Variants in DHRS12 observed in about 807,000 individuals in gnomAD.
DHRS12 encodes dehydrogenase/reductase 12.
DHRS12 carries 29 observed loss-of-function variants against 32.1 expected under a neutral mutation model. The observed-to-expected ratio is 0.90, with a 90% CI of 0.67 to 1.23. The LOEUF is 1.23. Among genes scored for constraint, DHRS12 ranks in the 50% most tolerant of loss-of-function variants. The pLI, the probability that DHRS12 is intolerant of heterozygous loss-of-function variation, is 0.00. For synonymous variants in DHRS12, 150 were observed against 135.9 expected, an observed-to-expected ratio of 1.10 and a Z score of -0.72; for missense variants, 330 against 337.2, an observed-to-expected ratio of 0.98 and a Z score of 0.17.
chr13:51,774,177 G>C lies in DHRS12; in HGVS notation c.364-143C>G, dbSNP rs138569846. The C allele has an allele frequency of 3.4e-4, 221 of 652,310 alleles. 1 individual carries two copies. Among genetic ancestry groups the C allele is most frequent in the African/African-American group, 3.3e-3 (183 of 55,290 alleles). The allele number at this position is 652,310 out of a possible 1,614,324, so 40.4% of individuals were successfully genotyped here. On this transcript the variant is annotated intron_variant, in intron 5 of 8. Coordinates refer to ENST00000444610, the MANE Select transcript of DHRS12 (RefSeq NM_001377533.1). ...AAGCAACACATTGTATTCTCCTACAGTATTCTCCTACAGTACATGTATTCT... is the reference window on the plus strand; with the variant it reads ...AAGCAACACATTGTATTCTCCTACACTATTCTCCTACAGTACATGTATTCT...
the DHRS12 span, among the ~76,000 whole-genome samples, chr13:51,755,676 G>A: frequency 3.3e-5 from 5 of 152,134 alleles, 1 homozygote; most frequent in East Asian, 9.6e-4. Context: ...AGCAGTTAGG[G>A]ATGTGATTTT....
chr13:51,769,364 A>T (rs1035863617), intron 7 of DHRS12, 71 bp from the exon 8 acceptor site: 89 of 210,772 alleles, frequency 4.2e-4, no homozygotes, highest in Middle Eastern at 1.2e-3. Flanking sequence ...CCCTTAATTT[A>T]AAAAAAAAAA....
rs1248804726 is a variant in DHRS12 at position 51,795,909 on chromosome 13, C to G, written c.126+3625G>C. Among the ~76,000 whole-genome samples the G allele has an allele frequency of 2.6e-5, 4 of 152,124 alleles. No individual in the cohort carries two copies. The East Asian group carries it at 5.8e-4, about 22-fold the overall frequency. On this transcript the variant is annotated intron_variant, in intron 2 of 8. Coordinates refer to ENST00000444610, the MANE Select transcript of DHRS12 (RefSeq NM_001377533.1). ...ACCCCCACTATGATACAGAGCATGG[C>G]GGCCAGGCCCAGGGCAGGCACACAC...
intron 1 of DHRS12, 22 bp downstream of exon 1, chr13:51,804,032 G>C (rs1406049649): frequency 6.8e-7 from 1 of 1,465,506 alleles, no homozygotes; most frequent in Non-Finnish European, 9.0e-7. Context: ...CCGGGGCCCC[G>C]CGCCCCGCCG....
At chr13:51,770,454 T>C (rs1327606453) in intron 7 of DHRS12, among the ~76,000 whole-genome samples, 1 of 152,180 alleles carries the variant, frequency 6.6e-6, no homozygotes, top group Non-Finnish European at 1.5e-5. Flanking sequence ...CAGAATGGTG[T>C]CCTTGGAGGG....
the DHRS12 span, chr13:51,759,929 C>T: frequency 1.5e-6 from 1 of 658,734 alleles, no homozygotes; most frequent in Non-Finnish European, 2.6e-6. Context: ...GGGGACCTGG[C>T]CAGTGAGCAC....
In DHRS12 at chr13:51,800,766, C is replaced by A. The variant is rs1397816924; in HGVS notation, c.-8-1099G>T. Among the ~76,000 whole-genome samples the A allele has an allele frequency of 2.0e-5, 3 of 152,346 alleles. No individual in the cohort carries two copies. In the East Asian group the frequency reaches 5.8e-4, roughly 29 times the overall value. ...GGGTTTGGTTTGAAAGTCATTGCCA[C>A]GGGGCAGGCATTGCCACTTGTTTCA... On this transcript the variant is annotated intron_variant, in intron 1 of 8. Coordinates refer to ENST00000444610, the MANE Select transcript of DHRS12 (RefSeq NM_001377533.1).
the DHRS12 span, chr13:51,761,239 C>T: frequency 2.0e-5 from 3 of 152,200 alleles, no homozygotes; most frequent in South Asian, 6.2e-4. Flanking sequence ...AGAAAGTGAA[C>T]CTGAAGAACT....
At chr13:51,802,147 T>C (rs1338725921) in intron 1 of DHRS12, among the ~76,000 whole-genome samples, 1 of 151,176 alleles carries the variant, frequency 6.6e-6, no homozygotes, top group African/African-American at 2.4e-5. Flanking sequence ...GAAATCAGTC[T>C]CTAGATATCA....
At chr13:51,756,076 GA>G in the DHRS12 span, among the ~76,000 whole-genome samples, 1 of 152,248 alleles carries the variant, frequency 6.6e-6, no homozygotes, top group East Asian at 1.9e-4. Context: ...ATGATCATTG[GA>G]AAGGACCAAG....
the DHRS12 span, chr13:51,755,610 G>A: frequency 1.4e-6 from 1 of 731,674 alleles, no homozygotes; most frequent in Non-Finnish European, 2.3e-6. Flanking sequence ...AATTTACTCT[G>A]TCTACCATAG....
intron 4 of DHRS12, among the ~76,000 whole-genome samples, chr13:51,780,021 A>G (rs555919676): frequency 6.6e-6 from 1 of 152,184 alleles, no homozygotes; most frequent in South Asian, 2.1e-4. Context: ...TACTAAAAAT[A>G]CAAAAATTAG....
chr13:51,791,322 T>C, intron 2 of DHRS12, 65 bp from the exon 3 acceptor site: 1 of 996,428 alleles, frequency 1.0e-6, no homozygotes, highest in Admixed American at 3.1e-5. Context: ...ACTTTTAATT[T>C]TAAAAAAGTA....
chr13:51,784,386 A>G (rs1039395913), intron 4 of DHRS12, among the ~76,000 whole-genome samples: 2 of 152,152 alleles, frequency 1.3e-5, no homozygotes, highest in Admixed American at 1.3e-4. Context: ...CAGGCAGGGG[A>G]GCAGCAGGAC....
At chr13:51,768,909 C>T (rs1953878254) in intron 8 of DHRS12, 2 of 1,389,086 alleles carry the variant, frequency 1.4e-6, no homozygotes, top group Non-Finnish European at 1.9e-6. Context: ...TAGGAACTGC[C>T]TCTCCCGTTC....
At chr13:51,771,656 C>T (rs1954023466) in intron 7 of DHRS12, among the ~76,000 whole-genome samples, 165 bp downstream of exon 7, 1 of 152,212 alleles carries the variant, frequency 6.6e-6, no homozygotes, top group Non-Finnish European at 1.5e-5. Flanking sequence ...ATGAGGCTTC[C>T]CCCAGCTGCA....
In DHRS12 at chr13:51,799,557, GTTGC is replaced by G. The variant is rs1566310462; in HGVS notation, c.99_102del (p.Lys33AsnfsTer4). The G allele has an allele frequency of 6.2e-6, 10 of 1,613,794 alleles. No homozygotes were observed. The highest frequency in any genetic ancestry group is 7.6e-6 in the Non-Finnish European group (9 of 1,179,972). On this transcript the variant is annotated frameshift_variant, in exon 2 of 9. Coordinates refer to ENST00000444610, the MANE Select transcript of DHRS12 (RefSeq NM_001377533.1). LOFTEE classifies it high-confidence loss of function. ...ACCTCGCTTGGCGATTTCAAGGGCA[GTTGC>G]TTTGCCAATGCCGCTGTTTCCTCCA...
At chr13:51,785,521 T>G (rs1291266256) in intron 4 of DHRS12, among the ~76,000 whole-genome samples, 1 of 152,224 alleles carries the variant, frequency 6.6e-6, no homozygotes, top group African/African-American at 2.4e-5. Flanking sequence ...CATGTCCAGT[T>G]AATCAAAGGG....
At chr13:51,758,098 C>T in the DHRS12 span, 12 of 918,472 alleles carry the variant, frequency 1.3e-5, no homozygotes, top group African/African-American at 3.3e-5. Flanking sequence ...GTTTTAGCCA[C>T]GAGGCCAAAA....
Sources: allele counts gnomAD v4.1 joint callset (sites outside exome capture counted in the v4.1 genomes callset), GRCh38; gene constraint gnomAD v4.1.1; transcripts MANE v1.5; gene names NCBI Gene and HGNC (gene_info 2026-07-23, HGNC 2026-07-21).